SOCS5: variants seen among roughly 807,000 people sequenced by gnomAD.
SOCS5 encodes suppressor of cytokine signaling 5.
A neutral mutation model predicts 42.8 loss-of-function variants in SOCS5; 32 were observed. The observed-to-expected ratio is 0.75, with a 90% confidence interval of 0.56 to 1.01. The LOEUF (loss-of-function observed/expected upper bound fraction) is 1.01, where lower values mean the gene tolerates loss of function less well. SOCS5 is among the 50% of genes least tolerant of loss of function. The pLI is 0.00. For synonymous variants in SOCS5, 283 were observed against 229.6 expected (o/e 1.23, Z -2.10); for missense variants, 627 against 653.0 (o/e 0.96, Z 0.43).
At chr2:46,711,459 T>G (rs747607709) in intron 1 of SOCS5, among the ~76,000 whole-genome samples, 2 of 152,234 alleles carry the variant, frequency 1.3e-5, no homozygotes, top group Non-Finnish European at 2.9e-5. Context: ...CATTAACCAG[T>G]TACCAATTTT....
chr2:46,760,851 C>T lies in SOCS5; in HGVS notation c.*710C>T, dbSNP rs1159748703. On this transcript the variant is annotated 3_prime_UTR_variant, in exon 2 of 2. Transcript: ENST00000394861. ...AATGAGTGCTTTAACTTAAAACAGG[C>T]GTTTGGAATAGCTGCTGCAATGTAG... 1 of 166,972 alleles carries T rather than the reference C, an allele frequency of 6.0e-6. No individual in the cohort carries two copies. The highest frequency in any genetic ancestry group is 1.5e-5 in the Non-Finnish European group (1 of 68,104). 10.3% of individuals were successfully genotyped at this position (166,972 alleles called of 1,614,324 possible).
intron 1 of SOCS5, among the ~76,000 whole-genome samples, chr2:46,755,931 T>G (rs915619195): frequency 2.6e-5 from 4 of 152,200 alleles, no homozygotes; most frequent in African/African-American, 9.7e-5. Flanking sequence ...ACATTTCACA[T>G]GTCAAGAAAA....
intron 1 of SOCS5, among the ~76,000 whole-genome samples, chr2:46,736,971 A>AT (rs1487550755): frequency 2.6e-5 from 4 of 152,104 alleles, no homozygotes; most frequent in Non-Finnish European, 5.9e-5. Context: ...AGTTTGGACC[A>AT]TTTTGAATTT....
intron 1 of SOCS5, among the ~76,000 whole-genome samples, chr2:46,747,045 C>T (rs1673518130): frequency 1.3e-5 from 2 of 148,428 alleles, no homozygotes; most frequent in Non-Finnish European, 3.0e-5. Flanking sequence ...CTGCCTAGAA[C>T]AGTTTGCATG....
intron 1 of SOCS5, among the ~76,000 whole-genome samples, chr2:46,734,743 C>A (rs967234680): frequency 1.3e-5 from 2 of 152,086 alleles, no homozygotes; most frequent in Admixed American, 6.6e-5. Flanking sequence ...TCCAGCTGAG[C>A]CATTTGGTTC....
chr2:46,701,430 G>C (rs2103683456), intron 1 of SOCS5, among the ~76,000 whole-genome samples: 1 of 152,288 alleles, frequency 6.6e-6, no homozygotes, highest in Non-Finnish European at 1.5e-5. Flanking sequence ...TGCAGATTAG[G>C]AAACCAAGGC....
At chr2:46,732,809 T>A (rs930125593) in intron 1 of SOCS5, among the ~76,000 whole-genome samples, 29 of 152,184 alleles carry the variant, frequency 1.9e-4, no homozygotes, top group Admixed American at 1.8e-3. Context: ...CTGTGTCCTT[T>A]CTTTGTTCCT....
At chr2:46,733,956 G>A (rs1438184631) in intron 1 of SOCS5, among the ~76,000 whole-genome samples, 3 of 152,214 alleles carry the variant, frequency 2.0e-5, no homozygotes, top group Non-Finnish European at 4.4e-5. Context: ...GATGTAATCA[G>A]TATGCAGTAA....
intron 1 of SOCS5, among the ~76,000 whole-genome samples, chr2:46,727,140 C>T (rs905833155): frequency 1.5e-5 from 2 of 132,454 alleles, no homozygotes; most frequent in Non-Finnish European, 3.1e-5. Context: ...CTTGTTGGAG[C>T]CTTCTTTTTT....
At chr2:46,742,779 C>T (rs1159478827) in intron 1 of SOCS5, among the ~76,000 whole-genome samples, 1 of 152,046 alleles carries the variant, frequency 6.6e-6, no homozygotes, top group Non-Finnish European at 1.5e-5. Flanking sequence ...GATCCTTCTG[C>T]CTCAGCCTCC....
At chr2:46,748,597 A>G (rs759558258) in intron 1 of SOCS5, among the ~76,000 whole-genome samples, 2 of 152,086 alleles carry the variant, frequency 1.3e-5, no homozygotes, top group Admixed American at 6.5e-5. Flanking sequence ...CAAGTTGTCA[A>G]ATTATTTTCC....
chr2:46,722,497 A>C (rs759863341), intron 1 of SOCS5, among the ~76,000 whole-genome samples: 10 of 152,150 alleles, frequency 6.6e-5, no homozygotes, highest in Non-Finnish European at 1.2e-4. Context: ...AGGTTGTTGT[A>C]TGTATCAATG....
At chr2:46,704,162 G>A (rs1672408235) in intron 1 of SOCS5, among the ~76,000 whole-genome samples, 1 of 152,202 alleles carries the variant, frequency 6.6e-6, no homozygotes, top group African/African-American at 2.4e-5. Context: ...AGGAAGCAGT[G>A]ATGAAGATAA....
At chr2:46,756,473 C>A (rs1198755470) in intron 1 of SOCS5, among the ~76,000 whole-genome samples, 1 of 152,182 alleles carries the variant, frequency 6.6e-6, no homozygotes, top group Non-Finnish European at 1.5e-5. Flanking sequence ...AAAAAACAGG[C>A]CACAGGCCAG....
At chr2:46,737,257 G>A (rs187701134) in intron 1 of SOCS5, among the ~76,000 whole-genome samples, 1 of 152,184 alleles carries the variant, frequency 6.6e-6, no homozygotes, top group Non-Finnish European at 1.5e-5. Flanking sequence ...ATTATTTGGT[G>A]AGAGACACAG....
At chr2:46,755,533 A>G (rs1279335161) in intron 1 of SOCS5, among the ~76,000 whole-genome samples, 2 of 152,208 alleles carry the variant, frequency 1.3e-5, no homozygotes, top group Non-Finnish European at 2.9e-5. Flanking sequence ...AATCAGTTTT[A>G]AATTATTATT....
In SOCS5 at chr2:46,699,701, C is replaced by T. The variant is rs1672300162; in HGVS notation, c.-13+252C>T. Among the ~76,000 whole-genome samples, 1 of 152,142 alleles carries T rather than the reference C, an allele frequency of 6.6e-6. No individual in the cohort carries two copies. Among genetic ancestry groups the T allele is most frequent in the Non-Finnish European group, 1.5e-5 (1 of 68,024 alleles). On this transcript the variant is annotated intron_variant, in intron 1 of 1. Transcript: ENST00000394861. This position sits in a 1 kb window ranked among gnomAD's most constrained non-coding sequence, Gnocchi z 4.8. ...AGTGGGAGCTTGCGCTTAGTAGGCT[C>T]TCGATGCATTTCTGTGGAATTGTTT...
intron 1 of SOCS5, among the ~76,000 whole-genome samples, chr2:46,729,438 A>G (rs538723967): frequency 6.6e-6 from 1 of 152,348 alleles, no homozygotes; most frequent in African/African-American, 2.4e-5. Context: ...TAGATGGTAT[A>G]GCGTACTATA....
At chr2:46,702,921 A>G (rs1672375322) in intron 1 of SOCS5, among the ~76,000 whole-genome samples, 1 of 152,122 alleles carries the variant, frequency 6.6e-6, no homozygotes, top group Non-Finnish European at 1.5e-5. Context: ...TGCTTTTGTA[A>G]CAGCCCTTCT....
Sources: allele counts gnomAD v4.1 joint callset (sites outside exome capture counted in the v4.1 genomes callset), GRCh38; gene constraint gnomAD v4.1.1; non-coding constraint Gnocchi (gnomAD v3.1); transcripts MANE v1.5; gene names NCBI Gene and HGNC (gene_info 2026-07-23, HGNC 2026-07-21).